CAMK1D: variants seen among roughly 807,000 people sequenced by gnomAD.
The protein encoded by CAMK1D is calcium/calmodulin-dependent protein kinase type 1D.
CAMK1D carries 9 observed loss-of-function variants against 47.7 expected under a neutral mutation model. The observed-to-expected ratio is 0.19, with a 90% CI of 0.11 to 0.33. The LOEUF is 0.33. CAMK1D is among the 10% of genes least tolerant of loss of function. CAMK1D has a pLI of 1.00. For synonymous variants in CAMK1D, 184 were observed against 184.9 expected, an observed-to-expected ratio of 0.99 and a Z score of 0.04; for missense variants, 291 against 488.7, an observed-to-expected ratio of 0.60 and a Z score of 3.81.
At chr10:12,696,131 C>T (rs1463370493) in intron 3 of CAMK1D, among the ~76,000 whole-genome samples, 1 of 152,078 alleles carries the variant, frequency 6.6e-6, no homozygotes, top group East Asian at 1.9e-4. Flanking sequence ...TATTTGACCT[C>T]TTTGGAAATC....
At chr10:12,713,999 C>T (rs559608876) in intron 3 of CAMK1D, among the ~76,000 whole-genome samples, 19 of 152,208 alleles carry the variant, frequency 1.2e-4, no homozygotes, top group African/African-American at 1.9e-4. Flanking sequence ...GAGGAGGGAA[C>T]GGGGTTATGT....
intron 1 of CAMK1D, among the ~76,000 whole-genome samples, chr10:12,416,812 C>A (rs1839864960): frequency 6.6e-6 from 1 of 152,204 alleles, no homozygotes; most frequent in African/African-American, 2.4e-5. Flanking sequence ...GAGCTTACTC[C>A]AGGGCTTCCC....
chr10:12,352,164 A>G (rs1837372000), intron 1 of CAMK1D, among the ~76,000 whole-genome samples: 2 of 152,224 alleles, frequency 1.3e-5, no homozygotes, highest in Non-Finnish European at 2.9e-5. Flanking sequence ...CTAACTATTA[A>G]GTGGCGGAGC....
rs1401907522 is a variant in CAMK1D at position 12,833,117 on chromosome 10, C to A, written c.*4230C>A. The A allele has an allele frequency of 6.6e-6, 1 of 152,574 alleles. No homozygotes were observed. The highest frequency in any genetic ancestry group is 1.5e-5 in the Non-Finnish European group (1 of 68,356). 9.5% of individuals were successfully genotyped at this position (152,574 alleles called of 1,614,324 possible). A position where few individuals can be genotyped will look rare whatever the true frequency, so the allele number is the denominator to read the frequency against. ...CAAGACTCCGTCTCAAAAAAGATGG[C>A]CATGCTGGCCAAGGCTGGGCTCATA... On this transcript the variant is annotated 3_prime_UTR_variant, in exon 11 of 11. Transcript: ENST00000619168.
chr10:12,488,299 G>T (rs7913187), intron 1 of CAMK1D, among the ~76,000 whole-genome samples: 1,876 of 152,150 alleles, frequency 0.012, 48 homozygotes, highest in African/African-American at 0.043. Context: ...GTGCACCCTG[G>T]ATGAGTATAG....
At chr10:12,804,388 C>T (rs183764234) in intron 6 of CAMK1D, among the ~76,000 whole-genome samples, 147 of 151,994 alleles carry the variant, frequency 9.7e-4, no homozygotes, top group South Asian at 4.1e-3. Context: ...CAGAGGTGGG[C>T]GGATTACCTG....
chr10:12,546,082 G>C (rs1423703564), intron 1 of CAMK1D, among the ~76,000 whole-genome samples: 1 of 152,210 alleles, frequency 6.6e-6, no homozygotes, highest in African/African-American at 2.4e-5. Context: ...AACGTGCAAA[G>C]GGATTTGAAC....
At chr10:12,506,029 G>A (rs1413542052) in intron 1 of CAMK1D, among the ~76,000 whole-genome samples, 1 of 152,204 alleles carries the variant, frequency 6.6e-6, no homozygotes, top group Non-Finnish European at 1.5e-5. Context: ...AAGATGGCAA[G>A]TCCGTTAACT....
chr10:12,461,836 G>A (rs976385422), intron 1 of CAMK1D, among the ~76,000 whole-genome samples: 7 of 152,092 alleles, frequency 4.6e-5, no homozygotes, highest in Admixed American at 1.3e-4. Flanking sequence ...AGTGGAGACC[G>A]TATTGTTTTG....
intron 1 of CAMK1D, among the ~76,000 whole-genome samples, chr10:12,464,529 G>A (rs202013908): frequency 6.6e-6 from 1 of 152,244 alleles, no homozygotes; most frequent in East Asian, 1.9e-4. Flanking sequence ...GAAAAGAGTG[G>A]TCAAGGCCGG....
chr10:12,555,739 C>T (rs1836738834), intron 2 of CAMK1D, among the ~76,000 whole-genome samples: 1 of 152,186 alleles, frequency 6.6e-6, no homozygotes, highest in African/African-American at 2.4e-5. Context: ...ACGTTGGGCA[C>T]AGGGGCTGTC....
chr10:12,455,260 C>T lies in CAMK1D; in HGVS notation c.93-97965C>T, dbSNP rs536856678. 3.3e-5 allele frequency among the ~76,000 whole-genome samples: 5 copies of T among 152,294 alleles called. No homozygotes were observed. The South Asian group carries it at 8.3e-4, about 25-fold the overall frequency. On this transcript the variant is annotated intron_variant, in intron 1 of 10. Coordinates refer to ENST00000619168, the MANE Select transcript of CAMK1D (RefSeq NM_153498.4). ...GACCAGGGCTCACTGCAGCCTTGAC[C>T]TCCCGGGCTTAAGCAATCCTCCTGC...
At chr10:12,412,399 C>A (rs1196984975) in intron 1 of CAMK1D, among the ~76,000 whole-genome samples, 1 of 143,438 alleles carries the variant, frequency 7.0e-6, no homozygotes, top group East Asian at 2.0e-4. Context: ...CACCTGAGAT[C>A]AGGAGTTCGA....
At chr10:12,736,568 C>T (rs11257963) in intron 3 of CAMK1D, among the ~76,000 whole-genome samples, 147,904 of 152,348 alleles carry the variant, frequency 0.97, 71,899 homozygotes, top group Non-Finnish European at 1. Context: ...GAAAATATTT[C>T]AATACAAAAC....
At chr10:12,734,903 C>A (rs1003404024) in intron 3 of CAMK1D, among the ~76,000 whole-genome samples, 30 of 152,222 alleles carry the variant, frequency 2.0e-4, no homozygotes, top group African/African-American at 7.2e-4. Context: ...GGTCTCTCCT[C>A]ACACCTCCAA....
At chr10:12,614,581 C>T (rs925678376) in intron 2 of CAMK1D, among the ~76,000 whole-genome samples, 1 of 152,148 alleles carries the variant, frequency 6.6e-6, no homozygotes, top group African/African-American at 2.4e-5. Flanking sequence ...AAATAATTTT[C>T]GAGGGAAATT....
At chr10:12,451,204 C>T (rs1280317298) in intron 1 of CAMK1D, among the ~76,000 whole-genome samples, 1 of 152,192 alleles carries the variant, frequency 6.6e-6, no homozygotes, top group Non-Finnish European at 1.5e-5. Context: ...TCACTCTCAA[C>T]CTCAGAAGCA....
chr10:12,427,088 G>A (rs1013701825), intron 1 of CAMK1D, among the ~76,000 whole-genome samples: 4 of 152,178 alleles, frequency 2.6e-5, no homozygotes, highest in African/African-American at 7.2e-5. Context: ...GGGCTCAAGC[G>A]ATCCTCCTGC....
intron 1 of CAMK1D, among the ~76,000 whole-genome samples, chr10:12,412,297 C>T (rs745654453): frequency 2.0e-5 from 3 of 151,926 alleles, no homozygotes; most frequent in Non-Finnish European, 4.4e-5. Context: ...CTGGTTGCCC[C>T]TCTTTACAGC....
Sources: gnomAD v4.1 joint callset for allele counts (sites outside exome capture counted in the v4.1 genomes callset) on GRCh38, gnomAD v4.1.1 for gene constraint, MANE v1.5 for transcripts, NCBI Gene and HGNC (gene_info 2026-07-23, HGNC 2026-07-21) for gene names.